The following TTC39A variants were observed in gnomAD, a reference collection of about 807,000 sequenced individuals.
The protein encoded by TTC39A is tetratricopeptide repeat domain 39A.
Under a neutral mutation model 82.3 loss-of-function variants are expected in TTC39A, and 46 were observed. The ratio of observed to expected loss-of-function variants is 0.56; its 90% CI spans 0.44 to 0.71. TTC39A has a LOEUF of 0.71. Ranked by LOEUF, TTC39A falls within the 30% of genes least tolerant of loss-of-function variation. TTC39A has a pLI of 0.00. For synonymous variants in TTC39A, 254 were observed against 275.2 expected (o/e 0.92, Z 0.76); for missense variants, 543 against 712.9 (o/e 0.76, Z 2.71).
chr1:51,311,482 G>C (rs1645080201), intron 4 of TTC39A, among the ~76,000 whole-genome samples, 161 bp from the exon 5 acceptor site: 1 of 152,182 alleles, frequency 6.6e-6, no homozygotes, highest in Non-Finnish European at 1.5e-5. Context: ...ATTCGTCACT[G>C]TCCCTAGAAG....
chr1:51,309,173 C>T lies in TTC39A; in HGVS notation c.488+88G>A, dbSNP rs1644984928. ...GGTTCTGGCCTCGGTTAGTACTCTT[C>T]TTCTCCCACAAAGCCGCCTGAGGGG... On this transcript the variant is annotated intron_variant, in intron 6 of 17. Transcript: ENST00000680483. 5 of 1,498,452 alleles carry T rather than the reference C, an allele frequency of 3.3e-6. No homozygotes were observed. The Admixed American group carries it at 8.7e-5, about 26-fold the overall frequency. 92.8% of individuals were successfully genotyped at this position (1,498,452 alleles called of 1,614,324 possible).
intron 2 of TTC39A, 21 bp from the exon 3 acceptor site, chr1:51,312,964 T>C (rs752428963): frequency 9.3e-6 from 15 of 1,611,108 alleles, no homozygotes; most frequent in African/African-American, 1.3e-5. Flanking sequence ...GAAGAGACGT[T>C]GAGAGCACCA....
intron 1 of TTC39A, among the ~76,000 whole-genome samples, chr1:51,337,673 C>T (rs999764494): frequency 2.0e-5 from 3 of 151,346 alleles, no homozygotes; most frequent in South Asian, 4.2e-4. Context: ...ATGATCTGCC[C>T]GCCTCAGCCT....
chr1:51,324,898 G>C (rs562160628), intron 1 of TTC39A, among the ~76,000 whole-genome samples: 100 of 152,264 alleles, frequency 6.6e-4, no homozygotes, highest in Admixed American at 1.1e-3. Context: ...CTTTGAGAGA[G>C]AATGTTGGAA....
In TTC39A at chr1:51,311,305, C is replaced by T; in HGVS notation, c.372G>A (p.Glu124=). The T allele has an allele frequency of 1.3e-6, 2 of 1,582,572 alleles. No individual in the cohort carries two copies. Among genetic ancestry groups the T allele is most frequent in the Non-Finnish European group, 1.7e-6 (2 of 1,164,578 alleles). The change falls in exon 5 of 18, where the codon GAG becomes GAA. Residue 124 remains glutamate, a synonymous_variant. Coordinates refer to ENST00000680483, the MANE Select transcript of TTC39A (RefSeq NM_001297663.2). ...GQFTEEEIHA[E]VCYAECLLQR... is the part of the protein sequence containing the mutation. Reference sequence around the variant, plus strand: ...GCAGCAGGCACTCTGCATAGCAGACCTCAGCGTGGATTTCCTCTGTGGGGA... The same window carrying T: ...GCAGCAGGCACTCTGCATAGCAGACTTCAGCGTGGATTTCCTCTGTGGGGA...
chr1:51,327,893 C>T (rs528704431), intron 1 of TTC39A, among the ~76,000 whole-genome samples: 19 of 152,204 alleles, frequency 1.2e-4, no homozygotes, highest in African/African-American at 4.6e-4. Flanking sequence ...GACAGGGTTT[C>T]ACCATGTTGG....
At chr1:51,295,859 C>T in intron 13 of TTC39A, 1 of 599,310 alleles carries the variant, frequency 1.7e-6, no homozygotes, top group Non-Finnish European at 3.0e-6. Flanking sequence ...GAAAGAAAGC[C>T]TCTGAAGAAA....
upstream of TTC39A, chr1:51,331,350 A>G (rs1172372539): frequency 2.0e-6 from 3 of 1,505,384 alleles, no homozygotes; most frequent in Non-Finnish European, 2.7e-6. Flanking sequence ...CTGGCACAGA[A>G]AGCCACTGGC....
At chr1:51,306,853 A>ACCCCCCC (rs3068549) in intron 6 of TTC39A, among the ~76,000 whole-genome samples, 145 of 60,166 alleles carry the variant, frequency 2.4e-3, no homozygotes, top group Non-Finnish European at 2.8e-3. Flanking sequence ...TAAGGGACAG[A>ACCCCCCC]CCCCCCCCCC....
intron 8 of TTC39A, among the ~76,000 whole-genome samples, chr1:51,303,494 G>A (rs1644759320): frequency 1.3e-5 from 2 of 152,208 alleles, no homozygotes; most frequent in Admixed American, 6.5e-5. Context: ...CCCTGCGATG[G>A]GTATTGAGGG....
upstream of TTC39A, chr1:51,330,842 C>G (rs1645892477): frequency 5.9e-6 from 3 of 509,736 alleles, no homozygotes; most frequent in Non-Finnish European, 1.1e-5. This position sits in a 1 kb window ranked among gnomAD's most constrained non-coding sequence, Gnocchi z 4.5. Flanking sequence ...GACCTGAGGT[C>G]CACTTTACTG....
At position 51,290,016 on chromosome 1, in the gene TTC39A, G is replaced by A. The variant is rs1644143097; in HGVS notation, c.1482C>T (p.Ser494=). Residue 494 remains serine (S), a synonymous_variant, in exon 16 of 18, where the codon AGC becomes AGT. Transcript: ENST00000680483. ...RVQEAEENFR[S]ISANEKKIKY... is the part of the protein sequence containing the mutation. ...GCAGAGGCACTTACTTGGCAGAGAT[G>A]CTCCTAAAATTCTCCTCGGCCTCCT... 1.2e-6 allele frequency: 2 copies of A among 1,613,320 alleles called. No homozygotes were observed. The highest frequency in any genetic ancestry group is 1.7e-6 in the Non-Finnish European group (2 of 1,179,600).
Position 51,330,483 on chromosome 1 carries a change from AG to A in TTC39A, c.-7del. ...GCGCCGCCAGCCGAGGTCATCGCCG[AG>A]GGGCGCGGGCGGCGCTGCCCCAGCC... On this transcript the variant is annotated 5_prime_UTR_variant, in exon 1 of 18. Transcript: ENST00000680483. This position sits in a 1 kb window ranked among gnomAD's most constrained non-coding sequence, Gnocchi z 4.5. The A allele has an allele frequency of 1.0e-6, 1 of 982,214 alleles. No individual in the cohort carries two copies. Among genetic ancestry groups the A allele is most frequent in the Non-Finnish European group, 1.2e-6 (1 of 829,794 alleles). The allele number at this position is 982,214 out of a possible 1,614,324, so 60.8% of individuals were successfully genotyped here.
chr1:51,314,967 CCTT>C (rs1268124921), intron 2 of TTC39A, among the ~76,000 whole-genome samples: 2 of 152,186 alleles, frequency 1.3e-5, no homozygotes, highest in African/African-American at 4.8e-5. Flanking sequence ...TGCATAAAGT[CCTT>C]CTCCTCGAGG....
intron 14 of TTC39A, among the ~76,000 whole-genome samples, chr1:51,291,430 G>A (rs1392141857): frequency 1.3e-5 from 2 of 151,660 alleles, no homozygotes; most frequent in African/African-American, 4.8e-5. Context: ...AGCGGAAGTT[G>A]CAGTGAGCCG....
chr1:51,305,022 C>T, intron 8 of TTC39A, 59 bp downstream of exon 8: 7 of 1,585,730 alleles, frequency 4.4e-6, no homozygotes, highest in Non-Finnish European at 5.2e-6. Context: ...CCACCCTGTG[C>T]AGCCCAGCCC....
At chr1:51,312,254 G>A in intron 3 of TTC39A, 59 bp from the exon 4 acceptor site, 2 of 1,457,874 alleles carry the variant, frequency 1.4e-6, no homozygotes, top group Non-Finnish European at 1.9e-6. Flanking sequence ...ACTTGTCTCT[G>A]CCCCTCTCTG....
intron 2 of TTC39A, among the ~76,000 whole-genome samples, chr1:51,314,484 T>C (rs1645209305): frequency 6.6e-6 from 1 of 152,150 alleles, no homozygotes; most frequent in Non-Finnish European, 1.5e-5. Flanking sequence ...GGTTGTGAAA[T>C]CATGTGACTT....
Position 51,321,859 on chromosome 1 carries a change from C to T in TTC39A, c.42-34G>A, listed in dbSNP as rs76062749. On this transcript the variant is annotated intron_variant, in intron 1 of 17. Transcript: ENST00000680483. The surrounding 1 kb of genome is among the most constrained non-coding windows in gnomAD (Gnocchi z 4.6). Reference sequence around the variant, plus strand: ...AGAGATGCGGGGCATGACACAGGGGCCCTCCAACCCTCCAGCCTCTCCTGG... The same window carrying T: ...AGAGATGCGGGGCATGACACAGGGGTCCTCCAACCCTCCAGCCTCTCCTGG... 5.7e-6 allele frequency: 9 copies of T among 1,566,680 alleles called. No homozygotes were observed. In the South Asian group the frequency reaches 6.9e-5, roughly 12 times the overall value.
Sources: allele counts gnomAD v4.1 joint callset (sites outside exome capture counted in the v4.1 genomes callset), GRCh38; gene constraint gnomAD v4.1.1; non-coding constraint Gnocchi (gnomAD v3.1); transcripts MANE v1.5; gene names NCBI Gene and HGNC (gene_info 2026-07-23, HGNC 2026-07-21).